The following ADAMTS8 variants were observed in gnomAD, a reference collection of about 807,000 sequenced individuals.
The protein encoded by ADAMTS8 is A disintegrin and metalloproteinase with thrombospondin motifs 8.
A neutral mutation model predicts 64.4 loss-of-function variants in ADAMTS8; 50 were observed. The observed-to-expected ratio is 0.78, with a 90% CI of 0.62 to 0.98. The LOEUF is 0.98. Among genes scored for constraint, ADAMTS8 ranks in the 50% least tolerant of loss-of-function variants. ADAMTS8 has a pLI of 0.00. For synonymous variants in ADAMTS8, 556 were observed against 533.6 expected (o/e 1.04, Z -0.58); for missense variants, 1,192 against 1,208.2 (o/e 0.99, Z 0.20).
Position 130,416,516 on chromosome 11 carries a change from G to T in ADAMTS8, c.1097-186C>A, listed in dbSNP as rs1426415153. ...GCGTTCTCAGATGACTAAGAAACAC[G>T]GATACCCCTTTATTTTCTGCCTCAG... is the stretch of plus-strand genomic sequence containing the variant. On this transcript the variant is annotated intron_variant, in intron 3 of 8. Transcript: ENST00000257359. The surrounding 1 kb of genome is among the most constrained non-coding windows in gnomAD (Gnocchi z 4.8). Among the ~76,000 whole-genome samples the T allele has an allele frequency of 6.6e-6, 1 of 152,172 alleles. No individual in the cohort carries two copies. Among genetic ancestry groups the T allele is most frequent in the African/African-American group, 2.4e-5 (1 of 41,432 alleles).
At chr11:130,415,063 C>A (rs1200890665) in intron 4 of ADAMTS8, among the ~76,000 whole-genome samples, 3 of 152,206 alleles carry the variant, frequency 2.0e-5, no homozygotes, top group African/African-American at 7.2e-5. Flanking sequence ...ATCTAGGAAG[C>A]ATTGCCCCCG....
intron 2 of ADAMTS8, among the ~76,000 whole-genome samples, chr11:130,417,552 C>T (rs114312503): frequency 0.049 from 7,465 of 152,034 alleles, 265 homozygotes; most frequent in South Asian, 0.098. Context: ...CCACCGTGCC[C>T]GGCCTAAATT....
intron 1 of ADAMTS8, among the ~76,000 whole-genome samples, chr11:130,423,746 C>T (rs1330859142): frequency 6.6e-6 from 1 of 152,222 alleles, no homozygotes; most frequent in Non-Finnish European, 1.5e-5. Context: ...ACAGGCGTCC[C>T]AGGCTGGCGA....
chr11:130,420,463 G>C (rs1862085140), intron 1 of ADAMTS8, among the ~76,000 whole-genome samples: 1 of 152,156 alleles, frequency 6.6e-6, no homozygotes. Flanking sequence ...CTTGAGCCTG[G>C]AGTGTGGTCA....
chr11:130,412,886 C>CT (rs1861970637), intron 5 of ADAMTS8, among the ~76,000 whole-genome samples: 1 of 151,968 alleles, frequency 6.6e-6, no homozygotes, highest in African/African-American at 2.4e-5. Context: ...CACTTTCTTT[C>CT]TTTCTTGAAA....
intron 6 of ADAMTS8, among the ~76,000 whole-genome samples, chr11:130,410,418 C>T (rs1019816495): frequency 1.3e-5 from 2 of 152,206 alleles, no homozygotes; most frequent in African/African-American, 4.8e-5. Flanking sequence ...CCACACCTAC[C>T]TTGCACCCTA....
In ADAMTS8 at chr11:130,419,136, A is replaced by C; in HGVS notation, c.877T>G (p.Phe293Val). 1.2e-6 allele frequency: 2 copies of C among 1,614,178 alleles called. No homozygotes were observed. The highest frequency in any genetic ancestry group is 1.1e-5 in the South Asian group (1 of 91,086). Residue 293 changes from phenylalanine to valine, a missense_variant, in exon 2 of 9, where the codon TTC becomes GTC. Phe to Val is a conservative substitution (Grantham distance 50, BLOSUM62 -1). This residue lies in a region of ADAMTS8 where 741 missense variants were observed against 710.6 expected (regional missense o/e 1.04). Transcript: ENST00000257359. ...TTGAAACGCCGCTGCCAGTTGCAGAAGTTACGCAGTGTAAGCCCCCCATTG... is the reference window on the plus strand; with the variant it reads ...TTGAAACGCCGCTGCCAGTTGCAGACGTTACGCAGTGTAAGCCCCCCATTG... ...SDNGGLTLRNFCNWQRRFNQP... is the reference protein window; with the variant it reads ...SDNGGLTLRNVCNWQRRFNQP...
intron 1 of ADAMTS8, 94 bp downstream of exon 1, chr11:130,427,473 T>TAA: frequency 1.1e-6 from 1 of 890,406 alleles, no homozygotes; most frequent in Non-Finnish European, 1.5e-6. Context: ...TTTTTTTTTT[T>TAA]TCTCAGAGGG....
chr11:130,428,128 G>C lies in ADAMTS8; in HGVS notation c.159C>G (p.Leu53=), dbSNP rs1322662802. ...TGCCGAAGGCGGACAGGTGGAGCGC[G>C]AGCTCGCCCGCGCTGCCGGGCAACC... ...PTRLPGSAGE[L]ALHLSAFGKG... The change falls in exon 1 of 9, where the codon CTC becomes CTG. Residue 53 remains leucine, a synonymous_variant. Transcript: ENST00000257359. 6.6e-7 allele frequency: 1 copy of C among 1,505,998 alleles called. No individual in the cohort carries two copies. The highest frequency in any genetic ancestry group is 2.1e-5 in the Admixed American group (1 of 47,246). The allele number at this position is 1,505,998 out of a possible 1,614,324, so 93.3% of individuals were successfully genotyped here. A position where few individuals can be genotyped will look rare whatever the true frequency, so the allele number is the denominator to read the frequency against.
chr11:130,415,111 A>G (rs970775108), intron 4 of ADAMTS8, among the ~76,000 whole-genome samples: 11 of 152,200 alleles, frequency 7.2e-5, no homozygotes, highest in Non-Finnish European at 1.5e-4. Flanking sequence ...CTAACACAAT[A>G]TTCATCCATA....
At position 130,427,977 on chromosome 11, in the gene ADAMTS8, C is replaced by T. The variant is rs1158232078; in HGVS notation, c.310G>A (p.Gly104Ser). 2.6e-6 allele frequency: 4 copies of T among 1,530,432 alleles called. No individual in the cohort carries two copies. Among genetic ancestry groups the T allele is most frequent in the Admixed American group, 3.9e-5 (2 of 50,800 alleles). 94.8% of individuals were successfully genotyped at this position (1,530,432 alleles called of 1,614,324 possible). Reference sequence around the variant, plus strand: ...GACTCGGGCTCCCCATTCACGGTGCCGGAGAAGAAGCAGCCGCGCAGCCCC... The same window carrying T: ...GACTCGGGCTCCCCATTCACGGTGCTGGAGAAGAAGCAGCCGCGCAGCCCC... ...ERGLRGCFFS[G>S]TVNGEPESLA... Residue 104 changes from glycine (G) to serine (S), a missense_variant, in exon 1 of 9, where the codon GGC (glycine) becomes AGC (serine). By Grantham distance (56) the Gly-to-Ser change is moderately conservative. Around this residue, in one of 5 missense-constraint regions of ADAMTS8, gnomAD observed 741 missense variants for 710.6 expected, o/e 1.04. Coordinates refer to ENST00000257359, the MANE Select transcript of ADAMTS8 (RefSeq NM_007037.6).
chr11:130,414,884 C>T lies in ADAMTS8; in HGVS notation c.1265-52G>A, dbSNP rs145326488. ...AGAACATGCACAGGGCTGCCGCCCT[C>T]TCAGCTCTTCATGGCCTGTGATGGA... is the stretch of plus-strand genomic sequence containing the variant. On this transcript the variant is annotated intron_variant, in intron 4 of 8. Transcript: ENST00000257359. 101 of 1,495,540 alleles carry T rather than the reference C, an allele frequency of 6.8e-5. 2 individuals carry two copies. The East Asian group carries it at 2.3e-3, about 34-fold the overall frequency. The allele number at this position is 1,495,540 out of a possible 1,614,324, so 92.6% of individuals were successfully genotyped here.
Position 130,427,989 on chromosome 11 carries a change from A to T in ADAMTS8, c.298T>A (p.Cys100Ser). The change falls in exon 1 of 9, where the codon TGC becomes AGC. Residue 100 changes from cysteine to serine, a missense_variant. Physicochemically the swap from Cys to Ser is moderately radical, Grantham distance 112. This residue lies in a region of ADAMTS8 where 741 missense variants were observed against 710.6 expected (regional missense o/e 1.04). Transcript: ENST00000257359. Reference protein sequence around the residue: ...ATGGERGLRGCFFSGTVNGEP... With the variant: ...ATGGERGLRGSFFSGTVNGEP... ...CCATTCACGGTGCCGGAGAAGAAGC[A>T]GCCGCGCAGCCCCCGCTCGCCCCCG... 6.5e-7 allele frequency: 1 copy of T among 1,528,994 alleles called. No individual in the cohort carries two copies. 94.7% of individuals were successfully genotyped at this position (1,528,994 alleles called of 1,614,324 possible).
chr11:130,405,917 C>T lies in ADAMTS8; in HGVS notation c.2311G>A (p.Ala771Thr), dbSNP rs753278357. 6.8e-6 allele frequency: 11 copies of T among 1,613,896 alleles called. No homozygotes were observed. Among genetic ancestry groups the T allele is most frequent in the African/African-American group, 2.7e-5 (2 of 74,960 alleles). ...GTILKYSGSI[A>T]TLERLQSFRP... ...AAGCTCTGCAGGCGCTCCAGGGTGG[C>T]GATGGAGCCGCTGTACTTCAGGATG... The change falls in exon 9 of 9, where the codon GCC becomes ACC. Residue 771 changes from alanine (A) to threonine (T), a missense_variant. By Grantham distance (58) the Ala-to-Thr change is moderately conservative (BLOSUM62 0). This residue lies in a region of ADAMTS8 where 147 missense variants were observed against 154.1 expected (regional missense o/e 0.95). Coordinates refer to ENST00000257359, the MANE Select transcript of ADAMTS8 (RefSeq NM_007037.6).
At chr11:130,420,504 C>T (rs1270485325) in intron 1 of ADAMTS8, among the ~76,000 whole-genome samples, 6 of 152,110 alleles carry the variant, frequency 3.9e-5, no homozygotes, top group African/African-American at 7.2e-5. Flanking sequence ...CCTGCCTCTC[C>T]GATCCCTAGA....
In ADAMTS8 at chr11:130,428,340, G is replaced by T; in HGVS notation, c.-54C>A. 2 of 1,261,058 alleles carry T rather than the reference G, an allele frequency of 1.6e-6. No individual in the cohort carries two copies. The highest frequency in any genetic ancestry group is 2.0e-6 in the Non-Finnish European group (2 of 991,830). The allele number at this position is 1,261,058 out of a possible 1,614,324, so 78.1% of individuals were successfully genotyped here. On this transcript the variant is annotated 5_prime_UTR_variant, in exon 1 of 9. Transcript: ENST00000257359. ...AGAGGGAAGAAGCCCGCCAGGCGCG[G>T]GCAGGTGCTGGCGGCCCGAGCGCGG... is the stretch of plus-strand genomic sequence containing the variant.
Position 130,416,922 on chromosome 11 carries a change from T to C in ADAMTS8, c.1096+18A>G, listed in dbSNP as rs1862033442. ...CCCTCCGATGTGGTGAAGTGGGCTT[T>C]GGCACAGCAAATCTTACCTAGTTCA... On this transcript the variant is annotated intron_variant, in intron 3 of 8. Coordinates refer to ENST00000257359, the MANE Select transcript of ADAMTS8 (RefSeq NM_007037.6). This position sits in a 1 kb window ranked among gnomAD's most constrained non-coding sequence, Gnocchi z 4.8. 2 of 1,614,062 alleles carry C rather than the reference T, an allele frequency of 1.2e-6. No homozygotes were observed. The highest frequency in any genetic ancestry group is 1.7e-6 in the Non-Finnish European group (2 of 1,179,992).
rs747062908 is a variant in ADAMTS8, at chr11:130,427,778, T to G, written c.509A>C (p.Glu170Ala). The change falls in exon 1 of 9, where the codon GAG becomes GCG. Residue 170 changes from glutamate to alanine, a missense_variant. Glu to Ala is a moderately radical substitution (Grantham distance 107, BLOSUM62 -1). Around this residue, in one of 5 missense-constraint regions of ADAMTS8, gnomAD observed 741 missense variants for 710.6 expected, o/e 1.04. Coordinates refer to ENST00000257359, the MANE Select transcript of ADAMTS8 (RefSeq NM_007037.6). The stretch of plus-strand genomic sequence containing the variant: ...CTCCTGCCTCTGACCCTCTCCCGTC[T>G]CCACCTCCCACTCGGGTCCTCGCGG... The part of the protein sequence containing the change: ...PLPRGPEWEV[E>A]TGEGQRQERG... 78 of 1,591,152 alleles carry G rather than the reference T, an allele frequency of 4.9e-5. No individual in the cohort carries two copies. The highest frequency in any genetic ancestry group is 8.6e-5 in the Admixed American group (5 of 57,912).
chr11:130,408,542 C>T lies in ADAMTS8; in HGVS notation c.2021G>A (p.Arg674Gln), dbSNP rs749722171. ...AGCDHVVDSP[R>Q]KLDKCGVCGG... ...ACACACCCCGCATTTGTCCAGCTTC[C>T]GAGGCGAGTCCACCACATGGTCACA... is the stretch of plus-strand genomic sequence containing the variant. The change falls in exon 8 of 9, where the codon CGG becomes CAG. Residue 674 changes from arginine (R) to glutamine (Q), a missense_variant. This residue lies in a region of ADAMTS8 where 290 missense variants were observed against 297.8 expected (regional missense o/e 0.97). Transcript: ENST00000257359. 2.5e-5 allele frequency: 41 copies of T among 1,614,022 alleles called. No individual in the cohort carries two copies. The highest frequency in any genetic ancestry group is 3.0e-5 in the Non-Finnish European group (35 of 1,180,026).
Sources: allele counts gnomAD v4.1 joint callset (sites outside exome capture counted in the v4.1 genomes callset), GRCh38; gene constraint gnomAD v4.1.1; regional missense constraint gnomAD v4.1.1; non-coding constraint Gnocchi (gnomAD v3.1); transcripts MANE v1.5; gene names NCBI Gene and HGNC (gene_info 2026-07-23, HGNC 2026-07-21).